Variants in ZBTB46 observed in about 807,000 individuals in gnomAD.
ZBTB46 encodes the protein zinc finger and BTB domain-containing protein 46.
ZBTB46 carries 8 observed loss-of-function variants against 44.1 expected under a neutral mutation model. The observed-to-expected ratio is 0.18, with a 90% confidence interval of 0.11 to 0.33. The LOEUF is 0.33. ZBTB46 is among the 10% of genes least tolerant of loss of function. The probability of loss-of-function intolerance (pLI) is 1.00; values close to 1 mark genes in which losing one functional copy is unlikely to be tolerated. For missense variants in ZBTB46, 651 were observed against 847.7 expected, an observed-to-expected ratio of 0.77 and a Z score of 2.88; for synonymous variants, 409 against 382.3, an observed-to-expected ratio of 1.07 and a Z score of -0.81.
At chr20:63,761,277 G>T (rs142666773) in intron 3 of ZBTB46, among the ~76,000 whole-genome samples, 1 of 151,954 alleles carries the variant, frequency 6.6e-6, no homozygotes, top group Non-Finnish European at 1.5e-5. Flanking sequence ...GGGATTACAG[G>T]CATGAGCCAC....
rs539248988 is a variant in ZBTB46, at chr20:63,754,820, C to T, written c.1223-1959G>A. The stretch of plus-strand genomic sequence containing the variant: ...TTCACCGTGTTAGCCAGGATGGTCT[C>T]GATCTCCTGACCTCGTGATCCGCCC... On this transcript the variant is annotated intron_variant, in intron 3 of 4. Coordinates refer to ENST00000245663, the MANE Select transcript of ZBTB46 (RefSeq NM_001369741.1). 7.8e-4 allele frequency among the ~76,000 whole-genome samples: 118 copies of T among 151,446 alleles called. 1 individual carries two copies. In the South Asian group the frequency reaches 8.6e-3, roughly 11 times the overall value.
At chr20:63,795,216 G>A (rs1035691352) in intron 1 of ZBTB46, among the ~76,000 whole-genome samples, 2 of 152,156 alleles carry the variant, frequency 1.3e-5, no homozygotes, top group African/African-American at 2.4e-5. Flanking sequence ...AAACAGAATC[G>A]CTTATGAAAC....
At chr20:63,794,189 C>CAAA (rs574998605) in intron 1 of ZBTB46, among the ~76,000 whole-genome samples, 2 of 108,652 alleles carry the variant, frequency 1.8e-5, no homozygotes, top group Non-Finnish European at 1.9e-5. Context: ...GACTCCGTCT[C>CAAA]AAAAAAAAAA....
At chr20:63,808,479 C>T (rs544355973) in intron 1 of ZBTB46, among the ~76,000 whole-genome samples, 10 of 152,164 alleles carry the variant, frequency 6.6e-5, no homozygotes, top group African/African-American at 2.4e-4. Flanking sequence ...CCGGGCCCGG[C>T]GGGAGGGAAG....
chr20:63,785,341 G>A (rs902778827), intron 2 of ZBTB46, among the ~76,000 whole-genome samples: 16 of 150,574 alleles, frequency 1.1e-4, no homozygotes, highest in Non-Finnish European at 1.3e-4. Flanking sequence ...CGGGCGGACC[G>A]CTTGAGGTCA....
intron 1 of ZBTB46, among the ~76,000 whole-genome samples, chr20:63,813,710 G>A (rs981706606): frequency 1.1e-4 from 17 of 152,054 alleles, no homozygotes; most frequent in Non-Finnish European, 1.6e-4. Context: ...ACAGAGAGAA[G>A]AAACGCAACT....
chr20:63,825,357 C>T (rs750906916), intron 1 of ZBTB46, among the ~76,000 whole-genome samples: 1 of 147,846 alleles, frequency 6.8e-6, no homozygotes, highest in African/African-American at 2.5e-5. Context: ...GCCGAGATCT[C>T]GTCACTGCAC....
intron 3 of ZBTB46, chr20:63,769,268 T>C: frequency 1.0e-6 from 1 of 985,408 alleles, no homozygotes; most frequent in Non-Finnish European, 1.2e-6. Context: ...GGGGAGGCTG[T>C]GCCGGCTCCC....
intron 1 of ZBTB46, among the ~76,000 whole-genome samples, chr20:63,829,147 G>C (rs1342524442): frequency 6.6e-6 from 1 of 152,196 alleles, no homozygotes; most frequent in Non-Finnish European, 1.5e-5. Flanking sequence ...ACCACCAGGG[G>C]CTGGGGAGGG....
intron 2 of ZBTB46, among the ~76,000 whole-genome samples, chr20:63,783,226 G>A (rs1215711044): frequency 3.3e-5 from 5 of 151,790 alleles, no homozygotes; most frequent in Non-Finnish European, 7.4e-5. Flanking sequence ...TCAAGAGATT[G>A]AGACCAGCCT....
intron 1 of ZBTB46, among the ~76,000 whole-genome samples, chr20:63,824,708 A>C (rs1600730395): frequency 4.2e-5 from 1 of 23,612 alleles, no homozygotes; most frequent in Non-Finnish European, 8.7e-5. Flanking sequence ...TCCCTCCCCC[A>C]TCTTCCCATC....
upstream of ZBTB46, among the ~76,000 whole-genome samples, chr20:63,831,928 C>G (rs1403580983): frequency 6.6e-6 from 1 of 151,926 alleles, no homozygotes; most frequent in Non-Finnish European, 1.5e-5. Flanking sequence ...CTGGAAGGGC[C>G]TGGGCACCGC....
intron 3 of ZBTB46, chr20:63,769,459 C>T (rs2092348539): frequency 3.0e-6 from 3 of 984,232 alleles, no homozygotes; most frequent in African/African-American, 3.5e-5. Context: ...GTTCCAGAAG[C>T]ACTGACGATC....
Position 63,747,291 on chromosome 20 carries a change from T to C in ZBTB46, c.1409A>G (p.Lys470Arg). 7.0e-7 allele frequency: 1 copy of C among 1,425,882 alleles called. No homozygotes were observed. The highest frequency in any genetic ancestry group is 9.2e-7 in the Non-Finnish European group (1 of 1,084,446). The allele number at this position is 1,425,882 out of a possible 1,614,324, so 88.3% of individuals were successfully genotyped here. A position where few individuals can be genotyped will look rare whatever the true frequency, so the allele number is the denominator to read the frequency against. Residue 470 changes from lysine to arginine, a missense_variant, in exon 5 of 5, where the codon AAG (lysine) becomes AGG (arginine). Physicochemically the swap from Lys to Arg is conservative, Grantham distance 26. This residue lies in a region of ZBTB46 where 75 missense variants were observed against 107.8 expected (regional missense o/e 0.70). Coordinates refer to ENST00000245663, the MANE Select transcript of ZBTB46 (RefSeq NM_001369741.1). ...CACCTTGCACACATACTTCTTGTCC[T>C]TGCTGTGGACCTGCAGAGGCAGGGC... ...HMKRHTLVHS[K>R]DKKYVCKVCS...
intron 2 of ZBTB46, among the ~76,000 whole-genome samples, chr20:63,777,615 G>A (rs924944012): frequency 2.0e-5 from 3 of 152,216 alleles, no homozygotes; most frequent in African/African-American, 7.2e-5. Context: ...AATCACCACG[G>A]GGCCCAGCAG....
At chr20:63,777,242 G>A (rs774334705) in intron 2 of ZBTB46, among the ~76,000 whole-genome samples, 4 of 152,142 alleles carry the variant, frequency 2.6e-5, no homozygotes, top group South Asian at 2.1e-4. Context: ...GGCTAAGACC[G>A]GAAGATCTAT....
chr20:63,801,153 T>C (rs1247313718), intron 1 of ZBTB46, among the ~76,000 whole-genome samples: 1 of 152,216 alleles, frequency 6.6e-6, no homozygotes, highest in East Asian at 1.9e-4. Context: ...GCTCTGTGTC[T>C]AGCTGATCCG....
chr20:63,766,252 G>C (rs572691663), intron 3 of ZBTB46, among the ~76,000 whole-genome samples: 1 of 120,424 alleles, frequency 8.3e-6, no homozygotes, highest in African/African-American at 3.3e-5. Context: ...TTTCGCTCTC[G>C]TTGCCCAGGC....
chr20:63,816,771 G>C (rs1601534076), intron 1 of ZBTB46, among the ~76,000 whole-genome samples: 3 of 152,136 alleles, frequency 2.0e-5, no homozygotes, highest in Non-Finnish European at 4.4e-5. Context: ...GTGGATTAGG[G>C]CGGGCCCTCA....
Sources: gnomAD v4.1 joint callset for allele counts (sites outside exome capture counted in the v4.1 genomes callset) on GRCh38, gnomAD v4.1.1 for gene constraint, gnomAD v4.1.1 regional missense constraint, MANE v1.5 for transcripts, NCBI Gene and HGNC (gene_info 2026-07-23, HGNC 2026-07-21) for gene names.